DENND1B: variants seen among roughly 807,000 people sequenced by gnomAD.
DENND1B encodes DENN domain containing 1B, also known as DENN domain-containing protein 1B.
DENND1B carries 59 observed loss-of-function variants against 90.1 expected under a neutral mutation model. That is an observed-to-expected ratio of 0.65 (90% CI 0.53 to 0.81). DENND1B has a LOEUF of 0.81. Ranked by LOEUF, DENND1B falls within the 40% of genes least tolerant of loss-of-function variation. DENND1B has a pLI of 0.00. For synonymous variants in DENND1B, 337 were observed against 324.6 expected, an observed-to-expected ratio of 1.04 and a Z score of -0.41; for missense variants, 862 against 912.6, an observed-to-expected ratio of 0.94 and a Z score of 0.71.
intron 9 of DENND1B, 135 bp from the exon 10 acceptor site, chr1:197,642,956 G>A: frequency 1.7e-6 from 1 of 585,690 alleles, no homozygotes; most frequent in South Asian, 2.3e-5. Context: ...AAATAATTAA[G>A]TGTAATACTA....
In DENND1B at chr1:197,758,377, T is replaced by C. The variant is rs185430314; in HGVS notation, c.82+14491A>G. 2.7e-3 allele frequency among the ~76,000 whole-genome samples: 405 copies of C among 152,354 alleles called. 1 individual carries two copies. Among genetic ancestry groups the C allele is most frequent in the African/African-American group, 9.6e-3 (399 of 41,580 alleles). ...ACATCAAAATAGGAGGAAAGTTTTT[T>C]ACTAACAATTTCTGTTGAAGTGATC... On this transcript the variant is annotated intron_variant, in intron 2 of 22. Coordinates refer to ENST00000620048, the MANE Select transcript of DENND1B (RefSeq NM_001195215.2).
At chr1:197,529,242 A>ATATATATGTGTGTGTG (rs1553277550) in intron 20 of DENND1B, among the ~76,000 whole-genome samples, 3 of 10,860 alleles carry the variant, frequency 2.8e-4, no homozygotes, top group African/African-American at 5.0e-4. Flanking sequence ...ATATATATAT[A>ATATATATGTGTGTGTG]TGTGTGTGTG....
chr1:197,574,799 C>A (rs1043898010), intron 15 of DENND1B, among the ~76,000 whole-genome samples: 1 of 152,126 alleles, frequency 6.6e-6, no homozygotes, highest in African/African-American at 2.4e-5. Flanking sequence ...ACAACTACAA[C>A]CATCTGATCT....
intron 5 of DENND1B, among the ~76,000 whole-genome samples, chr1:197,670,249 T>C (rs1228883837): frequency 6.6e-6 from 1 of 152,158 alleles, no homozygotes; most frequent in Non-Finnish European, 1.5e-5. Flanking sequence ...TATTTGTGAA[T>C]GATTAATAAG....
chr1:197,633,240 T>C (rs759574729), intron 10 of DENND1B, among the ~76,000 whole-genome samples: 7 of 152,198 alleles, frequency 4.6e-5, no homozygotes, highest in Non-Finnish European at 1.0e-4. Flanking sequence ...GGTAGAAATA[T>C]AGATTTGTTT....
rs1413930998 is a variant in DENND1B, at chr1:197,636,093, G to GT, written c.672+6617dup. ...CAAGTTTAGAATCAGATAATGGATAGTTTTTTACCAGACTTAGCAGTTTAT... is the reference window on the plus strand; with the variant it reads ...CAAGTTTAGAATCAGATAATGGATAGTTTTTTTACCAGACTTAGCAGTTTAT... On this transcript the variant is annotated intron_variant, in intron 10 of 22. Transcript: ENST00000620048. 2.0e-5 allele frequency among the ~76,000 whole-genome samples: 3 copies of GT among 152,192 alleles called. No individual in the cohort carries two copies. In the East Asian group the frequency reaches 5.8e-4, roughly 29 times the overall value.
intron 3 of DENND1B, among the ~76,000 whole-genome samples, chr1:197,704,463 C>T (rs900867714): frequency 1.3e-5 from 2 of 152,122 alleles, no homozygotes; most frequent in African/African-American, 2.4e-5. Context: ...GAAGGACCAA[C>T]TCTTTAGCAA....
intron 6 of DENND1B, among the ~76,000 whole-genome samples, chr1:197,657,190 T>G (rs192788254): frequency 2.0e-5 from 3 of 152,124 alleles, no homozygotes; most frequent in Non-Finnish European, 4.4e-5. Context: ...AAATGAATAT[T>G]TGAATATATG....
intron 8 of DENND1B, among the ~76,000 whole-genome samples, chr1:197,646,641 A>G (rs1215110761): frequency 6.6e-6 from 1 of 152,036 alleles, no homozygotes; most frequent in East Asian, 1.9e-4. Context: ...CAGTTGAACT[A>G]GTCAGAACAA....
chr1:197,521,485 A>AT (rs1668773277), intron 20 of DENND1B, among the ~76,000 whole-genome samples: 2 of 151,924 alleles, frequency 1.3e-5, no homozygotes, highest in South Asian at 4.1e-4. Flanking sequence ...TAATACATAA[A>AT]TTTTTTGAAA....
intron 21 of DENND1B, 24 bp from the exon 22 acceptor site, chr1:197,511,968 T>G: frequency 2.6e-6 from 4 of 1,565,548 alleles, no homozygotes; most frequent in Non-Finnish European, 2.6e-6. Context: ...AAACACGCAG[T>G]AGTAGGTAAA....
At chr1:197,553,695 A>G (rs369546301) in intron 15 of DENND1B, among the ~76,000 whole-genome samples, 13 of 152,178 alleles carry the variant, frequency 8.5e-5, no homozygotes, top group East Asian at 5.8e-4. Flanking sequence ...AGCATAATAG[A>G]GCACCAAATA....
chr1:197,770,913 GA>G (rs1259055338), intron 2 of DENND1B, among the ~76,000 whole-genome samples: 5 of 138,046 alleles, frequency 3.6e-5, no homozygotes, highest in African/African-American at 1.4e-4. Context: ...TATCTATATA[GA>G]TTTTTTTTTT....
intron 10 of DENND1B, among the ~76,000 whole-genome samples, chr1:197,627,961 C>T (rs1292624212): frequency 6.6e-6 from 1 of 152,102 alleles, no homozygotes; most frequent in Non-Finnish European, 1.5e-5. Flanking sequence ...AGGAATCCAA[C>T]TTACAAGGGA....
chr1:197,600,121 A>G (rs780213565), intron 13 of DENND1B, among the ~76,000 whole-genome samples: 6 of 151,828 alleles, frequency 4.0e-5, no homozygotes, highest in Non-Finnish European at 8.8e-5. Context: ...CTGCAGAAAG[A>G]TGTTCCTGAT....
At chr1:197,716,291 G>A (rs1313062841) in intron 2 of DENND1B, among the ~76,000 whole-genome samples, 2 of 151,126 alleles carry the variant, frequency 1.3e-5, no homozygotes, top group African/African-American at 2.4e-5. Context: ...GTAAGCTTTC[G>A]ACAATTAAAC....
At chr1:197,720,811 T>C (rs1359102807) in intron 2 of DENND1B, among the ~76,000 whole-genome samples, 2 of 152,174 alleles carry the variant, frequency 1.3e-5, no homozygotes, top group East Asian at 3.9e-4. Flanking sequence ...CTTAAGACTA[T>C]AAGCAACAGT....
chr1:197,609,566 G>A (rs1394943740), intron 12 of DENND1B, among the ~76,000 whole-genome samples: 1 of 150,368 alleles, frequency 6.7e-6, no homozygotes, highest in Non-Finnish European at 1.5e-5. Flanking sequence ...AAAAAGATCT[G>A]GCCATCCTTT....
At chr1:197,571,919 A>G (rs1456465817) in intron 15 of DENND1B, among the ~76,000 whole-genome samples, 1 of 152,194 alleles carries the variant, frequency 6.6e-6, no homozygotes, top group East Asian at 1.9e-4. Flanking sequence ...CAAGTGAGAT[A>G]TGAATAAAAA....
Sources: gnomAD v4.1 joint callset for allele counts (sites outside exome capture counted in the v4.1 genomes callset) on GRCh38, gnomAD v4.1.1 for gene constraint, MANE v1.5 for transcripts, NCBI Gene and HGNC (gene_info 2026-07-23, HGNC 2026-07-21) for gene names.